Variants in CPPED1 observed in about 807,000 individuals in gnomAD.
CPPED1 encodes the protein serine/threonine-protein phosphatase CPPED1.
In CPPED1, 28 loss-of-function variants were observed where a neutral mutation model predicts 28.0. That is an observed-to-expected ratio of 1.00 (90% CI 0.74 to 1.37). The LOEUF is 1.37. Ranked by LOEUF, CPPED1 falls within the 40% of genes most tolerant of loss-of-function variation. CPPED1 has a pLI of 0.00. For synonymous variants in CPPED1, 198 were observed against 180.2 expected (o/e 1.10, Z -0.79); for missense variants, 504 against 416.5 (o/e 1.21, Z -1.83).
chr16:12,704,576 C>G, intron 3 of CPPED1, 48 bp downstream of exon 3: 1 of 1,555,276 alleles, frequency 6.4e-7, no homozygotes, highest in Non-Finnish European at 8.8e-7. Context: ...GAAATGCCCT[C>G]TCTAGACTTG....
In CPPED1 at chr16:12,709,481, A is replaced by C. The variant is rs1253927790; in HGVS notation, c.290-4432T>G. 6.6e-6 allele frequency among the ~76,000 whole-genome samples: 1 copy of C among 152,238 alleles called. No homozygotes were observed. Among genetic ancestry groups the C allele is most frequent in the East Asian group, 1.9e-4 (1 of 5,200 alleles). ...TGCAAAGCGTTTAAAACACTTAAAA[A>C]AATTTTAATGCAATTGGTCAAAATA... On this transcript the variant is annotated intron_variant, in intron 2 of 3. Transcript: ENST00000381774. This position sits in a 1 kb window ranked among gnomAD's most constrained non-coding sequence, Gnocchi z 4.4.
chr16:12,668,482 G>A (rs947338560), intron 3 of CPPED1, among the ~76,000 whole-genome samples: 11 of 152,250 alleles, frequency 7.2e-5, no homozygotes, highest in African/African-American at 2.6e-4. Flanking sequence ...TTTGGGCATA[G>A]CAGTCAAACT....
chr16:12,744,657 T>C (rs1025423264), intron 2 of CPPED1, among the ~76,000 whole-genome samples: 3 of 151,996 alleles, frequency 2.0e-5, no homozygotes, highest in Non-Finnish European at 2.9e-5. Flanking sequence ...AAAATAGAGC[T>C]GGGAGTGCAG....
At chr16:12,784,493 T>C (rs755265978) in intron 1 of CPPED1, among the ~76,000 whole-genome samples, 1 of 151,766 alleles carries the variant, frequency 6.6e-6, no homozygotes, top group Non-Finnish European at 1.5e-5. Flanking sequence ...AAATGAGGCA[T>C]TAGGGATAAA....
At chr16:12,725,730 T>C (rs1014758682) in intron 2 of CPPED1, among the ~76,000 whole-genome samples, 33 of 152,302 alleles carry the variant, frequency 2.2e-4, no homozygotes, top group African/African-American at 7.2e-4. Context: ...AGCTGTAATC[T>C]TGTGTGCCAC....
intron 1 of CPPED1, among the ~76,000 whole-genome samples, chr16:12,798,434 G>A (rs1172526005): frequency 6.6e-6 from 1 of 152,220 alleles, no homozygotes; most frequent in South Asian, 2.1e-4. Context: ...CAAACTTGGA[G>A]ATACCTTTCC....
At position 12,660,766 on chromosome 16, in the gene CPPED1, A is replaced by AAT. The variant is rs1406978610; in HGVS notation, c.*4118_*4119dup. 6.6e-6 allele frequency: 1 copy of AAT among 152,218 alleles called. No individual in the cohort carries two copies. Among genetic ancestry groups the AAT allele is most frequent in the African/African-American group, 2.4e-5 (1 of 41,454 alleles). 9.4% of individuals were successfully genotyped at this position (152,218 alleles called of 1,614,324 possible). On this transcript the variant is annotated 3_prime_UTR_variant, in exon 4 of 4. Transcript: ENST00000381774. ...CCAGCTCAATATAATATTGCTACCT[A>AAT]ATATTGTGACTGCACAAAACCATTT... is the stretch of plus-strand genomic sequence containing the variant.
chr16:12,715,817 C>G (rs2080104376), intron 2 of CPPED1, among the ~76,000 whole-genome samples: 1 of 152,196 alleles, frequency 6.6e-6, no homozygotes, highest in Non-Finnish European at 1.5e-5. Flanking sequence ...CATGAGCCAC[C>G]ACTCTCAGCC....
chr16:12,679,266 G>A lies in CPPED1; in HGVS notation c.716-14151C>T, dbSNP rs536403771. On this transcript the variant is annotated intron_variant, in intron 3 of 3. Transcript: ENST00000381774. ...GTTCACGGACTTACTATGGTTGGACGTGTGTGTAAAGAGTAGGTGGATATT... is the reference window on the plus strand; with the variant it reads ...GTTCACGGACTTACTATGGTTGGACATGTGTGTAAAGAGTAGGTGGATATT... Among the ~76,000 whole-genome samples the A allele has an allele frequency of 2.0e-4, 31 of 152,326 alleles. 1 individual carries two copies. The South Asian group carries it at 4.4e-3, about 21-fold the overall frequency.
intron 2 of CPPED1, among the ~76,000 whole-genome samples, chr16:12,706,484 T>TCTCCCTTCCTTTCCTTC: frequency 6.8e-6 from 1 of 147,192 alleles, no homozygotes; most frequent in African/African-American, 2.5e-5. Flanking sequence ...TCCTTTCCTT[T>TCTCCCTTCCTTTCCTTC]CTCCCTTCCT....
intron 3 of CPPED1, among the ~76,000 whole-genome samples, chr16:12,665,328 TATATA>T (rs1156662797): frequency 6.6e-6 from 1 of 152,004 alleles, no homozygotes; most frequent in African/African-American, 2.4e-5. Flanking sequence ...ATACTTCATA[TATATA>T]ATATATTATT....
intron 2 of CPPED1, among the ~76,000 whole-genome samples, chr16:12,780,732 T>TAA (rs11321645): frequency 3.3e-4 from 47 of 140,390 alleles, no homozygotes; most frequent in African/African-American, 1.1e-3. Flanking sequence ...ACACATACCT[T>TAA]AAAAAAAAAA....
In CPPED1 at chr16:12,743,711, G is replaced by A. The variant is rs530483084; in HGVS notation, c.289+37474C>T. Among the ~76,000 whole-genome samples, 8 of 152,250 alleles carry A rather than the reference G, an allele frequency of 5.3e-5. No homozygotes were observed. The South Asian group carries it at 6.2e-4, about 12-fold the overall frequency. ...AAATCCACGTGCTCAGAAAACATAC[G>A]AAAGACACTCGGCTGAGCACGGTGG... On this transcript the variant is annotated intron_variant, in intron 2 of 3. Transcript: ENST00000381774.
chr16:12,787,009 G>A (rs546006436), intron 1 of CPPED1, among the ~76,000 whole-genome samples: 1 of 152,146 alleles, frequency 6.6e-6, no homozygotes, highest in South Asian at 2.1e-4. Flanking sequence ...CCAAGTATGA[G>A]TATATAGCAC....
At position 12,728,466 on chromosome 16, in the gene CPPED1, G is replaced by A. The variant is rs1031739200; in HGVS notation, c.290-23417C>T. 4.6e-5 allele frequency among the ~76,000 whole-genome samples: 7 copies of A among 152,074 alleles called. No homozygotes were observed. In the South Asian group the frequency reaches 8.3e-4, roughly 18 times the overall value. On this transcript the variant is annotated intron_variant, in intron 2 of 3. Transcript: ENST00000381774. ...GTTGCTTATAATCTTGAGATCCCCC[G>A]AGAAAGATTGAGAGGAGCCAATTAC...
chr16:12,761,945 G>A (rs766004984), intron 2 of CPPED1, among the ~76,000 whole-genome samples: 1 of 152,020 alleles, frequency 6.6e-6, no homozygotes, highest in Non-Finnish European at 1.5e-5. Flanking sequence ...AACACATGAG[G>A]TGGAGGTTGC....
intron 2 of CPPED1, among the ~76,000 whole-genome samples, chr16:12,779,886 A>G (rs56307918): frequency 1.2e-3 from 178 of 152,234 alleles, no homozygotes; most frequent in Non-Finnish European, 2.1e-3. Flanking sequence ...GTTTTCTGCA[A>G]TGGTCTAAGG....
intron 2 of CPPED1, 156 bp downstream of exon 2, chr16:12,781,029 T>C: frequency 1.6e-6 from 1 of 633,272 alleles, no homozygotes; most frequent in South Asian, 1.9e-5. Context: ...AGTGTGCACT[T>C]TCTGATGTTC....
At position 12,663,061 on chromosome 16, in the gene CPPED1, G is replaced by GTT. The variant is rs3074348; in HGVS notation, c.*1823_*1824dup. On this transcript the variant is annotated 3_prime_UTR_variant, in exon 4 of 4. Transcript: ENST00000381774. The stretch of plus-strand genomic sequence containing the variant: ...TCAAGTCTCAATGTGTGTGTGTGTG[G>GTT]TTTTTTTTTTTTTTTTTTGAGACAG... 4.6e-4 allele frequency: 60 copies of GTT among 131,120 alleles called. No homozygotes were observed. The highest frequency in any genetic ancestry group is 4.0e-3 in the Middle Eastern group (1 of 250). 8.1% of individuals were successfully genotyped at this position (131,120 alleles called of 1,614,324 possible).
Sources: gnomAD v4.1 joint callset for allele counts (sites outside exome capture counted in the v4.1 genomes callset) on GRCh38, gnomAD v4.1.1 for gene constraint, Gnocchi (gnomAD v3.1) non-coding constraint, MANE v1.5 for transcripts, NCBI Gene and HGNC (gene_info 2026-07-23, HGNC 2026-07-21) for gene names.